The following PDIA5 variants were observed in gnomAD, a reference collection of about 807,000 sequenced individuals.
PDIA5 encodes the protein protein disulfide isomerase family A member 5.
A neutral mutation model predicts 77.6 loss-of-function variants in PDIA5; 58 were observed. The observed-to-expected ratio is 0.75, with a 90% CI of 0.61 to 0.93. The LOEUF is 0.93. Among genes scored for constraint, PDIA5 ranks in the 40% least tolerant of loss-of-function variants. PDIA5 has a pLI of 0.00. For missense variants in PDIA5, 630 were observed against 647.7 expected (o/e 0.97, Z 0.30); for synonymous variants, 250 against 252.1 (o/e 0.99, Z 0.08).
intron 7 of PDIA5, among the ~76,000 whole-genome samples, chr3:123,111,368 G>A (rs927661233): frequency 1.3e-5 from 2 of 152,332 alleles, no homozygotes; most frequent in South Asian, 2.1e-4. Context: ...CGGGCATGGC[G>A]TCATGGTCCA....
rs574931007 is a variant in PDIA5, at chr3:123,095,060, C to T, written c.257+2618C>T. ...AAAGCCTTGGGCTTAGGAGGGGGCC[C>T]GGGCTGACTGCTAACTAGTTAGTTA... On this transcript the variant is annotated intron_variant, in intron 3 of 16. Coordinates refer to ENST00000316218, the MANE Select transcript of PDIA5 (RefSeq NM_006810.4). Among the ~76,000 whole-genome samples, 139 of 152,226 alleles carry T rather than the reference C, an allele frequency of 9.1e-4. 1 individual carries two copies. In the Middle Eastern group the frequency reaches 0.01, roughly 11 times the overall value.
intron 10 of PDIA5, among the ~76,000 whole-genome samples, chr3:123,130,040 T>C (rs559416078): frequency 6.6e-6 from 1 of 152,286 alleles, no homozygotes; most frequent in South Asian, 2.1e-4. Context: ...CTGTACCCTC[T>C]TCCTCCCCTC....
chr3:123,067,100 A>AGGCG lies in PDIA5; in HGVS notation c.-54_-51dup. 2 of 1,207,146 alleles carry AGGCG rather than the reference A, an allele frequency of 1.7e-6. No individual in the cohort carries two copies. The highest frequency in any genetic ancestry group is 2.1e-6 in the Non-Finnish European group (2 of 962,198). The allele number at this position is 1,207,146 out of a possible 1,614,324, so 74.8% of individuals were successfully genotyped here. A position where few individuals can be genotyped will look rare whatever the true frequency, so the allele number is the denominator to read the frequency against. On this transcript the variant is annotated 5_prime_UTR_variant, in exon 1 of 17. Coordinates refer to ENST00000316218, the MANE Select transcript of PDIA5 (RefSeq NM_006810.4). ...GGTGGTTGGCCGCGGTGGAGCTAGCAGGCGGGCGGGCGGGAGCGGGCGCCG... is the reference window on the plus strand; with the variant it reads ...GGTGGTTGGCCGCGGTGGAGCTAGCAGGCGGGCGGGCGGGCGGGAGCGGGCGCCG...
At chr3:123,136,372 T>A (rs1935503529) in intron 11 of PDIA5, among the ~76,000 whole-genome samples, 1 of 152,180 alleles carries the variant, frequency 6.6e-6, no homozygotes. Flanking sequence ...CCGTGCCCCT[T>A]CTCAGGGCTG....
chr3:123,146,631 G>A (rs1352726381), intron 13 of PDIA5, among the ~76,000 whole-genome samples: 1 of 152,174 alleles, frequency 6.6e-6, no homozygotes, highest in Non-Finnish European at 1.5e-5. Context: ...GTTTGCTAGT[G>A]GTTGGCTGGG....
intron 11 of PDIA5, among the ~76,000 whole-genome samples, chr3:123,139,385 TCTC>T (rs1167031045): frequency 1.3e-5 from 2 of 152,140 alleles, no homozygotes; most frequent in South Asian, 2.1e-4. Context: ...GCCAGACCTT[TCTC>T]CTCCTCTGGG....
At chr3:123,100,137 G>A (rs1344667589) in intron 3 of PDIA5, among the ~76,000 whole-genome samples, 3 of 152,216 alleles carry the variant, frequency 2.0e-5, no homozygotes, top group Non-Finnish European at 4.4e-5. Context: ...CAGAACAAAG[G>A]CCAGCGAGGA....
At chr3:123,157,844 G>A (rs576078183) in intron 15 of PDIA5, among the ~76,000 whole-genome samples, 1 of 152,358 alleles carries the variant, frequency 6.6e-6, no homozygotes, top group South Asian at 2.1e-4. Flanking sequence ...GAAGGGGCAA[G>A]GCAGACAGGA....
intron 11 of PDIA5, among the ~76,000 whole-genome samples, chr3:123,133,066 T>C (rs1935408947): frequency 6.6e-6 from 1 of 152,210 alleles, no homozygotes; most frequent in South Asian, 2.1e-4. Flanking sequence ...GCATGGTCTT[T>C]AGCCTAGGGA....
intron 14 of PDIA5, among the ~76,000 whole-genome samples, chr3:123,153,326 G>T (rs914966490): frequency 6.6e-6 from 1 of 152,198 alleles, no homozygotes; most frequent in Non-Finnish European, 1.5e-5. Context: ...CACACAAGGG[G>T]CCTGCAGCTG....
chr3:123,100,880 G>T (rs529645891), intron 3 of PDIA5, among the ~76,000 whole-genome samples: 1 of 152,320 alleles, frequency 6.6e-6, no homozygotes, highest in South Asian at 2.1e-4. Context: ...GCAACTGGGG[G>T]ATACAGCGCC....
Position 123,125,081 on chromosome 3 carries a change from T to G in PDIA5, c.773+738T>G, listed in dbSNP as rs763468138. ...TCCTGCCAGATCACCCCATTCCCAC[T>G]TCTCACCAGCACTTCCACGACAGGC... On this transcript the variant is annotated intron_variant, in intron 10 of 16. Transcript: ENST00000316218. 2.6e-5 allele frequency among the ~76,000 whole-genome samples: 4 copies of G among 152,126 alleles called. No individual in the cohort carries two copies. The East Asian group carries it at 7.7e-4, about 29-fold the overall frequency.
intron 15 of PDIA5, among the ~76,000 whole-genome samples, chr3:123,160,644 C>G (rs1253340067): frequency 6.6e-6 from 1 of 152,176 alleles, no homozygotes; most frequent in African/African-American, 2.4e-5. Flanking sequence ...TAAGTGGGGA[C>G]AGAGCTTGTA....
chr3:123,142,661 G>A (rs1037065227), intron 11 of PDIA5, among the ~76,000 whole-genome samples: 1 of 152,214 alleles, frequency 6.6e-6, no homozygotes, highest in African/African-American at 2.4e-5. Flanking sequence ...ATCTGCTGTG[G>A]AGAACAAGGC....
intron 6 of PDIA5, 141 bp from the exon 7 acceptor site, chr3:123,110,803 G>A (rs753226455): frequency 1.4e-4 from 107 of 751,754 alleles, no homozygotes; most frequent in Non-Finnish European, 2.2e-4. Context: ...AGCTGCCAGC[G>A]TATGCTTTCT....
intron 11 of PDIA5, among the ~76,000 whole-genome samples, chr3:123,143,703 G>A (rs1294174192): frequency 6.6e-6 from 1 of 152,190 alleles, no homozygotes; most frequent in Non-Finnish European, 1.5e-5. Flanking sequence ...GGCAGCAGAG[G>A]TGCCTGTATA....
chr3:123,108,684 G>A (rs1934795773), intron 6 of PDIA5, among the ~76,000 whole-genome samples: 1 of 151,114 alleles, frequency 6.6e-6, no homozygotes, highest in East Asian at 2.0e-4. Flanking sequence ...TCAGGAGTTT[G>A]AGACCAGCCT....
At chr3:123,135,706 A>G (rs996071025) in intron 11 of PDIA5, among the ~76,000 whole-genome samples, 1 of 151,258 alleles carries the variant, frequency 6.6e-6, no homozygotes, top group African/African-American at 2.4e-5. Flanking sequence ...TGATTAAGGA[A>G]AGAAACTACC....
At chr3:123,136,279 C>T (rs1001545812) in intron 11 of PDIA5, among the ~76,000 whole-genome samples, 2 of 152,150 alleles carry the variant, frequency 1.3e-5, no homozygotes, top group African/African-American at 4.8e-5. Flanking sequence ...ATAATATTAA[C>T]AGCATTCTTG....
Sources: gnomAD v4.1 joint callset for allele counts (sites outside exome capture counted in the v4.1 genomes callset) on GRCh38, gnomAD v4.1.1 for gene constraint, MANE v1.5 for transcripts, NCBI Gene and HGNC (gene_info 2026-07-23, HGNC 2026-07-21) for gene names.